The following TCAIM variants were observed in gnomAD, a reference collection of about 807,000 sequenced individuals.
TCAIM encodes T-cell activation inhibitor, mitochondrial.
Under a neutral mutation model 58.6 loss-of-function variants are expected in TCAIM, and 36 were observed. That is an observed-to-expected ratio of 0.61 (90% CI 0.47 to 0.81). The LOEUF (loss-of-function observed/expected upper bound fraction) is 0.81. TCAIM is among the 30% of genes least tolerant of loss of function. TCAIM has a pLI of 0.00. For missense variants in TCAIM, 466 were observed against 579.6 expected (o/e 0.80, Z 2.01); for synonymous variants, 172 against 193.6 (o/e 0.89, Z 0.93).
intron 4 of TCAIM, among the ~76,000 whole-genome samples, chr3:44,366,845 C>T (rs1418449160): frequency 1.3e-5 from 2 of 152,028 alleles, no homozygotes; most frequent in Admixed American, 6.6e-5. Flanking sequence ...CATAATCCAC[C>T]CACCTTGGCC....
chr3:44,393,901 A>G (rs950302471), intron 6 of TCAIM, among the ~76,000 whole-genome samples: 19 of 152,346 alleles, frequency 1.2e-4, no homozygotes, highest in African/African-American at 4.6e-4. Flanking sequence ...TGGAAATTGC[A>G]GTTATATAAA....
chr3:44,369,518 T>C (rs1476673607), intron 5 of TCAIM, among the ~76,000 whole-genome samples: 1 of 152,084 alleles, frequency 6.6e-6, no homozygotes, highest in Non-Finnish European at 1.5e-5. Context: ...ATGAAAAGAG[T>C]GCCCCAAGGA....
At chr3:44,358,194 T>G in intron 3 of TCAIM, 1 of 1,562,086 alleles carries the variant, frequency 6.4e-7, no homozygotes, top group Non-Finnish European at 8.6e-7. Flanking sequence ...ATGATCAATC[T>G]CTCTCTCTTT....
chr3:44,382,408 A>G (rs1412600895), intron 5 of TCAIM, among the ~76,000 whole-genome samples: 1 of 152,182 alleles, frequency 6.6e-6, no homozygotes, highest in Non-Finnish European at 1.5e-5. Context: ...ACACAAACAT[A>G]TAGACTAATG....
chr3:44,396,415 G>T lies in TCAIM; in HGVS notation c.711G>T (p.Trp237Cys). Residue 237 changes from tryptophan (W) to cysteine (C), a missense_variant, in exon 7 of 11, where the codon TGG (tryptophan) becomes TGT (cysteine). Physicochemically the swap from Trp to Cys is radical, Grantham distance 215. Coordinates refer to ENST00000342649, the MANE Select transcript of TCAIM (RefSeq NM_173826.4). ...QLSDIRWQRS[W>C]GIAHRCSQLH... Reference sequence around the variant, plus strand: ...GTTGGCCTAGGTGGCAGAGGAGCTGGGGCATCGCCCACCGCTGTAGCCAGC... The same window carrying T: ...GTTGGCCTAGGTGGCAGAGGAGCTGTGGCATCGCCCACCGCTGTAGCCAGC... 1 of 1,613,354 alleles carries T rather than the reference G, an allele frequency of 6.2e-7. No individual in the cohort carries two copies.
intron 1 of TCAIM, among the ~76,000 whole-genome samples, chr3:44,351,531 G>A (rs554643297): frequency 1.3e-4 from 19 of 151,832 alleles, no homozygotes; most frequent in Admixed American, 2.0e-4. Flanking sequence ...GTCTCACTCT[G>A]TTGCCCAGGC....
chr3:44,406,610 T>A (rs1472066308), intron 10 of TCAIM, among the ~76,000 whole-genome samples: 2 of 152,246 alleles, frequency 1.3e-5, no homozygotes, highest in African/African-American at 2.4e-5. Context: ...GGAAATTTTA[T>A]AGTACCTACT....
chr3:44,364,690 C>G (rs1221947506), intron 4 of TCAIM, among the ~76,000 whole-genome samples: 1 of 148,050 alleles, frequency 6.8e-6, no homozygotes, highest in Non-Finnish European at 1.5e-5. Flanking sequence ...TGCAGTGAGG[C>G]AAGATGGCAG....
intron 5 of TCAIM, among the ~76,000 whole-genome samples, chr3:44,370,824 C>G (rs1219159326): frequency 6.6e-6 from 1 of 150,696 alleles, no homozygotes; most frequent in Non-Finnish European, 1.5e-5. Context: ...TCACTGCAGC[C>G]TCAAACTCCT....
chr3:44,368,331 T>C (rs1394066525), intron 5 of TCAIM, among the ~76,000 whole-genome samples: 1 of 152,242 alleles, frequency 6.6e-6, no homozygotes, highest in Non-Finnish European at 1.5e-5. Context: ...TCTCTTCTTA[T>C]GATTGTATCT....
intron 5 of TCAIM, among the ~76,000 whole-genome samples, chr3:44,368,882 G>T (rs1232870669): frequency 6.6e-6 from 1 of 152,106 alleles, no homozygotes; most frequent in African/African-American, 2.4e-5. Flanking sequence ...ATTTAGCCAG[G>T]CATGGTGGTA....
At chr3:44,382,293 C>T (rs1208680881) in intron 5 of TCAIM, among the ~76,000 whole-genome samples, 4 of 152,130 alleles carry the variant, frequency 2.6e-5, no homozygotes, top group Non-Finnish European at 5.9e-5. Flanking sequence ...TGTAGTGGCT[C>T]ACTTCTGTAA....
intron 8 of TCAIM, among the ~76,000 whole-genome samples, chr3:44,398,877 A>G (rs1701980321): frequency 6.6e-6 from 1 of 152,240 alleles, no homozygotes; most frequent in African/African-American, 2.4e-5. Context: ...CAGCAACTGG[A>G]TGGATCTTAA....
At chr3:44,397,266 A>C (rs1701949923) in intron 8 of TCAIM, among the ~76,000 whole-genome samples, 1 of 152,208 alleles carries the variant, frequency 6.6e-6, no homozygotes, top group East Asian at 1.9e-4. Flanking sequence ...CTGGGCATAT[A>C]TGTGAGCATA....
chr3:44,350,815 G>C (rs529915419), intron 1 of TCAIM, among the ~76,000 whole-genome samples: 1 of 152,078 alleles, frequency 6.6e-6, no homozygotes, highest in African/African-American at 2.4e-5. Flanking sequence ...CTACCACCTA[G>C]AGATAGCTGT....
intron 5 of TCAIM, among the ~76,000 whole-genome samples, chr3:44,390,413 T>A (rs1265090671): frequency 1.3e-5 from 2 of 151,420 alleles, no homozygotes; most frequent in Admixed American, 1.3e-4. Context: ...AGCCCAGGAG[T>A]TCAAGACCAG....
At chr3:44,345,496 TA>T (rs1700947752) in intron 1 of TCAIM, among the ~76,000 whole-genome samples, 1 of 152,172 alleles carries the variant, frequency 6.6e-6, no homozygotes, top group African/African-American at 2.4e-5. Flanking sequence ...TTGATTTAGG[TA>T]AAAACAACAC....
At chr3:44,355,258 T>C (rs1701170008) in intron 2 of TCAIM, among the ~76,000 whole-genome samples, 1 of 152,030 alleles carries the variant, frequency 6.6e-6, no homozygotes, top group African/African-American at 2.4e-5. Context: ...AAAATGCAGG[T>C]CAGGGAGGAT....
At chr3:44,349,111 G>A (rs570960365) in intron 1 of TCAIM, among the ~76,000 whole-genome samples, 4 of 152,154 alleles carry the variant, frequency 2.6e-5, no homozygotes, top group African/African-American at 9.6e-5. Context: ...AGGTCAGATG[G>A]GTCCACAGAA....
Sources: allele counts gnomAD v4.1 joint callset (sites outside exome capture counted in the v4.1 genomes callset), GRCh38; gene constraint gnomAD v4.1.1; transcripts MANE v1.5; gene names NCBI Gene and HGNC (gene_info 2026-07-23, HGNC 2026-07-21).